The following MEGF6 variants were observed in gnomAD, a reference collection of about 807,000 sequenced individuals.
The protein encoded by MEGF6 is multiple EGF like domains 6, also known as multiple epidermal growth factor-like domains protein 6.
A neutral mutation model predicts 207.1 loss-of-function variants in MEGF6; 184 were observed. That is an observed-to-expected ratio of 0.89 (90% CI 0.79 to 1.00). MEGF6 has a LOEUF of 1.00. Among genes scored for constraint, MEGF6 ranks in the 50% least tolerant of loss-of-function variants. The pLI, the probability that MEGF6 is intolerant of heterozygous loss-of-function variation, is 0.00. For synonymous variants in MEGF6, 1,038 were observed against 910.0 expected (o/e 1.14, Z -2.53); for missense variants, 2,282 against 2,202.9 (o/e 1.04, Z -0.72).
chr1:3,549,491 C>T (rs1225742281), intron 4 of MEGF6, among the ~76,000 whole-genome samples: 2 of 152,196 alleles, frequency 1.3e-5, no homozygotes, highest in East Asian at 1.9e-4. Flanking sequence ...CCAGTCTAGG[C>T]GAGAAGATGG....
Position 3,499,193 on chromosome 1 carries a change from A to G in MEGF6, c.3039T>C (p.Pro1013=), listed in dbSNP as rs747090696. Residue 1013 remains proline (P), a synonymous_variant, in exon 24 of 37, where the codon CCT becomes CCC. Coordinates refer to ENST00000356575, the MANE Select transcript of MEGF6 (RefSeq NM_001409.4). ...CACFNGASCD[P]VHGQCHCAPG... is the part of the protein sequence containing the mutation. ...GGGCACAGTGGCACTGCCCGTGGAC[A>G]GGGTCACAGGAGGCCCCGTTAAAGC... 6.2e-7 allele frequency: 1 copy of G among 1,604,236 alleles called. No homozygotes were observed. The highest frequency in any genetic ancestry group is 8.5e-7 in the Non-Finnish European group (1 of 1,176,626).
At chr1:3,502,279 T>A (rs1569968856) in intron 17 of MEGF6, among the ~76,000 whole-genome samples, 2 of 151,976 alleles carry the variant, frequency 1.3e-5, no homozygotes, top group African/African-American at 4.8e-5. Context: ...AGCAGATCCC[T>A]CGGCCATCCA....
At chr1:3,567,878 A>T (rs1294968774) in intron 4 of MEGF6, among the ~76,000 whole-genome samples, 4 of 151,668 alleles carry the variant, frequency 2.6e-5, no homozygotes, top group Non-Finnish European at 4.4e-5. Flanking sequence ...CTCTTTCCTC[A>T]CTTAGGTGGC....
rs781342997 is a variant in MEGF6 at position 3,511,648 on chromosome 1, T to C, written c.1016A>G (p.Asn339Ser). 6.2e-7 allele frequency: 1 copy of C among 1,612,152 alleles called. No homozygotes were observed. ...GCTGCAGCCATGGGAGCAGCCGCCG[T>C]TGTTGGCCTCACAGCTGTTCACGAT... ...MEIVNSCEAN[N>S]GGCSHGCSHT... The change falls in exon 9 of 37, where the codon AAC (asparagine) becomes AGC (serine). Residue 339 changes from asparagine to serine, a missense_variant. By Grantham distance (46) the Asn-to-Ser change is conservative. Coordinates refer to ENST00000356575, the MANE Select transcript of MEGF6 (RefSeq NM_001409.4).
At chr1:3,603,875 G>A (rs570309609) in intron 1 of MEGF6, among the ~76,000 whole-genome samples, 120 of 152,352 alleles carry the variant, frequency 7.9e-4, no homozygotes, top group Non-Finnish European at 1.5e-4. Context: ...TGCAATGGAG[G>A]ACTTATTTTT....
chr1:3,576,684 T>G (rs1643651814), intron 4 of MEGF6, among the ~76,000 whole-genome samples: 1 of 137,470 alleles, frequency 7.3e-6, no homozygotes, highest in African/African-American at 2.8e-5. Context: ...GCCTGCACAC[T>G]CAGCCCTGCA....
At position 3,501,918 on chromosome 1, in the gene MEGF6, C is replaced by T. The variant is rs750311236; in HGVS notation, c.2192G>A (p.Cys731Tyr). 1 of 1,584,672 alleles carries T rather than the reference C, an allele frequency of 6.3e-7. No individual in the cohort carries two copies. The highest frequency in any genetic ancestry group is 2.4e-5 in the East Asian group (1 of 40,966). The change falls in exon 18 of 37, where the codon TGC (cysteine) becomes TAC (tyrosine). Residue 731 changes from cysteine (C) to tyrosine (Y), a missense_variant. Transcript: ENST00000356575. Reference sequence around the variant, plus strand: ...GTTCACGCCAAACGTCCCCACCGGGCACTCTGCAGGAGAAAGCACGAGGGG... The same window carrying T: ...GTTCACGCCAAACGTCCCCACCGGGTACTCTGCAGGAGAAAGCACGAGGGG... ...GFQGEDCGQE[C>Y]PVGTFGVNCS...
Position 3,497,870 on chromosome 1 carries a change from G to A in MEGF6, c.3352+501C>T, listed in dbSNP as rs1057229075. ...GGCGCCTCTGCTGGAAGGGGGGCTCGTGTTAGGGGCTTGGGTGGGAGGCCG... is the reference window on the plus strand; with the variant it reads ...GGCGCCTCTGCTGGAAGGGGGGCTCATGTTAGGGGCTTGGGTGGGAGGCCG... On this transcript the variant is annotated intron_variant, in intron 26 of 36. Coordinates refer to ENST00000356575, the MANE Select transcript of MEGF6 (RefSeq NM_001409.4). 6.6e-5 allele frequency among the ~76,000 whole-genome samples: 10 copies of A among 152,208 alleles called. No homozygotes were observed. The East Asian group carries it at 9.6e-4, about 15-fold the overall frequency.
intron 4 of MEGF6, among the ~76,000 whole-genome samples, chr1:3,537,201 C>T (rs1286902618): frequency 6.6e-6 from 1 of 152,258 alleles, no homozygotes; most frequent in African/African-American, 2.4e-5. Flanking sequence ...CCAGGCAGCC[C>T]AGTGCCCAGC....
At chr1:3,599,945 G>T (rs919139576) in intron 2 of MEGF6, among the ~76,000 whole-genome samples, 1 of 152,192 alleles carries the variant, frequency 6.6e-6, no homozygotes, top group African/African-American at 2.4e-5. Context: ...CTCAGTTCAC[G>T]GGTGAGAAAA....
chr1:3,613,055 T>C (rs1211993235), upstream of MEGF6, among the ~76,000 whole-genome samples: 1 of 152,168 alleles, frequency 6.6e-6, no homozygotes, highest in Non-Finnish European at 1.5e-5. Flanking sequence ...CAACAACCAT[T>C]GACAGGCACA....
chr1:3,584,414 A>G (rs975312752), intron 3 of MEGF6, among the ~76,000 whole-genome samples: 3 of 152,170 alleles, frequency 2.0e-5, no homozygotes, highest in African/African-American at 7.2e-5. Context: ...CAACCCAGCC[A>G]TCCTTTGGGA....
rs867278559 is a variant in MEGF6, at chr1:3,494,830, G to C, written c.3872-89C>G. 5.5e-6 allele frequency: 8 copies of C among 1,448,118 alleles called. No individual in the cohort carries two copies. The Admixed American group carries it at 1.1e-4, about 19-fold the overall frequency. The allele number at this position is 1,448,118 out of a possible 1,614,324, so 89.7% of individuals were successfully genotyped here. ...TGTCCCCACAGGCTGACAGTCACTC[G>C]GTAAATGCTTCCTGAGGCCCATCAG... is the stretch of plus-strand genomic sequence containing the variant. On this transcript the variant is annotated intron_variant, in intron 30 of 36. Transcript: ENST00000356575.
In MEGF6 at chr1:3,594,914, T is replaced by A. The variant is rs1355944984; in HGVS notation, c.376+424A>T. On this transcript the variant is annotated intron_variant, in intron 3 of 36. Coordinates refer to ENST00000356575, the MANE Select transcript of MEGF6 (RefSeq NM_001409.4). This position sits in a 1 kb window ranked among gnomAD's most constrained non-coding sequence, Gnocchi z 4.2. ...GCTGAGGCCCGCCACCCGGCCCGGA[T>A]TGGCCTTGGGAGAACACGGTATAGG... 6.6e-6 allele frequency among the ~76,000 whole-genome samples: 1 copy of A among 150,884 alleles called. No homozygotes were observed. Among genetic ancestry groups the A allele is most frequent in the African/African-American group, 2.4e-5 (1 of 40,912 alleles).
chr1:3,606,856 C>G (rs1451906124), intron 1 of MEGF6, among the ~76,000 whole-genome samples: 1 of 152,160 alleles, frequency 6.6e-6, no homozygotes, highest in Non-Finnish European at 1.5e-5. Context: ...TCTGTGATGG[C>G]CCCTGTGCTG....
chr1:3,492,848 C>G (rs754853171), intron 34 of MEGF6, 81 bp from the exon 35 acceptor site: 1 of 1,535,932 alleles, frequency 6.5e-7, no homozygotes, highest in Non-Finnish European at 8.8e-7. Flanking sequence ...CCTAGGGGCC[C>G]GCGGCAGAGC....
chr1:3,494,789 G>A lies in MEGF6; in HGVS notation c.3872-48C>T, dbSNP rs768127199. ...GCCTGGAGCTCTGGCCGAGGGCTGG[G>A]CTCCCTCTGGGGATATGTCCCCACA... On this transcript the variant is annotated intron_variant, in intron 30 of 36. Coordinates refer to ENST00000356575, the MANE Select transcript of MEGF6 (RefSeq NM_001409.4). 2.7e-6 allele frequency: 4 copies of A among 1,499,424 alleles called. No homozygotes were observed. In the South Asian group the frequency reaches 5.3e-5, roughly 20 times the overall value. 92.9% of individuals were successfully genotyped at this position (1,499,424 alleles called of 1,614,324 possible).
At chr1:3,592,648 C>A (rs1364192191) in intron 3 of MEGF6, among the ~76,000 whole-genome samples, 1 of 152,206 alleles carries the variant, frequency 6.6e-6, no homozygotes, top group Non-Finnish European at 1.5e-5. Flanking sequence ...CGCCAGGCAG[C>A]ACCCCTCCCA....
chr1:3,556,435 C>T lies in MEGF6; in HGVS notation c.481+23390G>A, dbSNP rs372353585. 2.6e-5 allele frequency among the ~76,000 whole-genome samples: 4 copies of T among 152,306 alleles called. No individual in the cohort carries two copies. Among genetic ancestry groups the T allele is most frequent in the East Asian group, 1.9e-4 (1 of 5,176 alleles). On this transcript the variant is annotated intron_variant, in intron 4 of 36. Coordinates refer to ENST00000356575, the MANE Select transcript of MEGF6 (RefSeq NM_001409.4). The surrounding 1 kb of genome is among the most constrained non-coding windows in gnomAD (Gnocchi z 4.4). ...ACCAAATTGGCCCGGGACCTCCTCA[C>T]GGAGCCACAGCCAGCAGGGGTAGGA...
Sources: gnomAD v4.1 joint callset for allele counts (sites outside exome capture counted in the v4.1 genomes callset) on GRCh38, gnomAD v4.1.1 for gene constraint, Gnocchi (gnomAD v3.1) non-coding constraint, MANE v1.5 for transcripts, NCBI Gene and HGNC (gene_info 2026-07-23, HGNC 2026-07-21) for gene names.